Variants in KCNQ1 observed in about 807,000 individuals in gnomAD.
The protein encoded by KCNQ1 is potassium voltage-gated channel subfamily KQT member 1.
In KCNQ1, 49 loss-of-function variants were observed where a neutral mutation model predicts 72.4. The observed-to-expected ratio is 0.68, with a 90% CI of 0.54 to 0.86. KCNQ1 has a LOEUF of 0.86. KCNQ1 is among the 40% of genes least tolerant of loss of function. The pLI is 0.00. For missense variants in KCNQ1, 790 were observed against 945.1 expected, an observed-to-expected ratio of 0.84 and a Z score of 2.15; for synonymous variants, 450 against 412.6, an observed-to-expected ratio of 1.09 and a Z score of -1.10.
At chr11:2,719,173 T>G (rs1189042755) in intron 11 of KCNQ1, among the ~76,000 whole-genome samples, 1 of 1,006 alleles carries the variant, frequency 9.9e-4, no homozygotes, top group African/African-American at 3.6e-3. Flanking sequence ...TTGTCTCTCA[T>G]TGGGGGTAAC....
chr11:2,670,036 A>C lies in KCNQ1; in HGVS notation c.1514+7955A>C. ...TGGGGTCCCGTGGAGGTACAGGCGG[A>C]AACCTAGCACTCACTATTCTGCTCT... On this transcript the variant is annotated intron_variant, in intron 11 of 15. Transcript: ENST00000155840. The surrounding 1 kb of genome is among the most constrained non-coding windows in gnomAD (Gnocchi z 4.9). 1 of 398,646 alleles carries C rather than the reference A, an allele frequency of 2.5e-6. No individual in the cohort carries two copies. Among genetic ancestry groups the C allele is most frequent in the Non-Finnish European group, 4.4e-6 (1 of 226,092 alleles). The allele number at this position is 398,646 out of a possible 1,614,324, so 24.7% of individuals were successfully genotyped here.
chr11:2,583,985 GGT>G (rs144821358), intron 7 of KCNQ1, among the ~76,000 whole-genome samples: 3 of 151,178 alleles, frequency 2.0e-5, no homozygotes, highest in Admixed American at 6.6e-5. Context: ...CCTGTATGTG[GGT>G]GTGTGTGTGT....
Position 2,565,829 on chromosome 11 carries a change from G to A in KCNQ1, c.478-4799G>A, listed in dbSNP as rs1186491552. Among the ~76,000 whole-genome samples the A allele has an allele frequency of 6.6e-6, 1 of 152,218 alleles. No homozygotes were observed. Among genetic ancestry groups the A allele is most frequent in the Admixed American group, 6.5e-5 (1 of 15,282 alleles). Reference sequence around the variant, plus strand: ...TGTCTCAGGGAGGGGCAGAACCCATGGGGTTTGGCTTCCTGACCCTGAACG... The same window carrying A: ...TGTCTCAGGGAGGGGCAGAACCCATAGGGTTTGGCTTCCTGACCCTGAACG... On this transcript the variant is annotated intron_variant, in intron 2 of 15. Transcript: ENST00000155840. The surrounding 1 kb of genome is among the most constrained non-coding windows in gnomAD (Gnocchi z 5.6).
Position 2,651,124 on chromosome 11 carries a change from A to G in KCNQ1, c.1394-10837A>G, listed in dbSNP as rs1849750290. The G allele has an allele frequency of 5.0e-6, 2 of 398,544 alleles. No individual in the cohort carries two copies. Among genetic ancestry groups the G allele is most frequent in the East Asian group, 3.6e-5 (1 of 28,078 alleles). 24.7% of individuals were successfully genotyped at this position (398,544 alleles called of 1,614,324 possible). A position where few individuals can be genotyped will look rare whatever the true frequency, so the allele number is the denominator to read the frequency against. On this transcript the variant is annotated intron_variant, in intron 10 of 15. Coordinates refer to ENST00000155840, the MANE Select transcript of KCNQ1 (RefSeq NM_000218.3). The surrounding 1 kb of genome is among the most constrained non-coding windows in gnomAD (Gnocchi z 6.1). Reference sequence around the variant, plus strand: ...TTGCTTCCTGTACTCCATTCTTCACATAACAGCTCAAGGGAGTTCTTTAAA... The same window carrying G: ...TTGCTTCCTGTACTCCATTCTTCACGTAACAGCTCAAGGGAGTTCTTTAAA...
chr11:2,817,309 G>A lies in KCNQ1; in HGVS notation c.1795-30458G>A, dbSNP rs979540086. Among the ~76,000 whole-genome samples, 6 of 152,132 alleles carry A rather than the reference G, an allele frequency of 3.9e-5. No homozygotes were observed. In the South Asian group the frequency reaches 8.3e-4, roughly 21 times the overall value. On this transcript the variant is annotated intron_variant, in intron 15 of 15. Transcript: ENST00000155840. This position sits in a 1 kb window ranked among gnomAD's most constrained non-coding sequence, Gnocchi z 6.1. ...AACTACGTTGGACAGAACCCACGGCGGCCCTTTCCGTGGCTTCAGCCAGTT... is the reference window on the plus strand; with the variant it reads ...AACTACGTTGGACAGAACCCACGGCAGCCCTTTCCGTGGCTTCAGCCAGTT...
chr11:2,455,350 G>A (rs1275594180), intron 1 of KCNQ1, among the ~76,000 whole-genome samples: 2 of 152,108 alleles, frequency 1.3e-5, no homozygotes, highest in African/African-American at 2.4e-5. Context: ...CACCCGCCTT[G>A]GCCTCCCAAA....
chr11:2,585,533 G>C (rs1564825493), intron 8 of KCNQ1, among the ~76,000 whole-genome samples: 1 of 152,260 alleles, frequency 6.6e-6, no homozygotes, highest in Non-Finnish European at 1.5e-5. Flanking sequence ...GCCATGCCCT[G>C]TGGGCTGGAG....
Position 2,544,159 on chromosome 11 carries a change from A to G in KCNQ1, c.477+16141A>G, listed in dbSNP as rs531148030. On this transcript the variant is annotated intron_variant, in intron 2 of 15. Coordinates refer to ENST00000155840, the MANE Select transcript of KCNQ1 (RefSeq NM_000218.3). The surrounding 1 kb of genome is among the most constrained non-coding windows in gnomAD (Gnocchi z 4.4). ...GTTTGGGATTGCATTCAACCTAAAGATCAACATGGGGAGAATTGATGTCTT... is the reference window on the plus strand; with the variant it reads ...GTTTGGGATTGCATTCAACCTAAAGGTCAACATGGGGAGAATTGATGTCTT... 6.6e-6 allele frequency among the ~76,000 whole-genome samples: 1 copy of G among 152,168 alleles called. No individual in the cohort carries two copies. Among genetic ancestry groups the G allele is most frequent in the East Asian group, 1.9e-4 (1 of 5,186 alleles).
intron 15 of KCNQ1, among the ~76,000 whole-genome samples, chr11:2,842,080 G>A (rs528770058): frequency 1.7e-4 from 26 of 152,316 alleles, no homozygotes; most frequent in African/African-American, 5.8e-4. Context: ...CTGGCTGCTC[G>A]GCAGACAACA....
chr11:2,732,456 G>A (rs1396614187), intron 11 of KCNQ1, among the ~76,000 whole-genome samples: 1 of 152,140 alleles, frequency 6.6e-6, no homozygotes, highest in Non-Finnish European at 1.5e-5. Context: ...TTCTTCCCTC[G>A]CCTTTGCTGG....
rs189018095 is a variant in KCNQ1, at chr11:2,718,212, G to A, written c.1515-50632G>A. On this transcript the variant is annotated intron_variant, in intron 11 of 15. Coordinates refer to ENST00000155840, the MANE Select transcript of KCNQ1 (RefSeq NM_000218.3). Reference sequence around the variant, plus strand: ...CCTGACAGCTGCCTTCCTCTGCTCCGTCCTTCCCCACATCCCCCTCACACA... The same window carrying A: ...CCTGACAGCTGCCTTCCTCTGCTCCATCCTTCCCCACATCCCCCTCACACA... 9.3e-4 allele frequency among the ~76,000 whole-genome samples: 141 copies of A among 152,276 alleles called. No homozygotes were observed. In the East Asian group the frequency reaches 0.012, roughly 13 times the overall value.
intron 11 of KCNQ1, chr11:2,685,742 C>T: frequency 2.5e-6 from 1 of 398,704 alleles, no homozygotes; most frequent in East Asian, 3.6e-5. Flanking sequence ...GCCGAAATGG[C>T]CAGCAGGCAG....
Position 2,493,417 on chromosome 11 carries a change from T to C in KCNQ1, c.387-34511T>C, listed in dbSNP as rs1038248304. Among the ~76,000 whole-genome samples, 9 of 152,330 alleles carry C rather than the reference T, an allele frequency of 5.9e-5. No individual in the cohort carries two copies. Among genetic ancestry groups the C allele is most frequent in the East Asian group, 3.9e-4 (2 of 5,190 alleles). Reference sequence around the variant, plus strand: ...TGCTCTTGGTGTTTTAGTCATGAAGTCCTTGCCCATGCCTATGTCCTGAAT... The same window carrying C: ...TGCTCTTGGTGTTTTAGTCATGAAGCCCTTGCCCATGCCTATGTCCTGAAT... On this transcript the variant is annotated intron_variant, in intron 1 of 15. Transcript: ENST00000155840. This position sits in a 1 kb window ranked among gnomAD's most constrained non-coding sequence, Gnocchi z 5.3.
intron 6 of KCNQ1, among the ~76,000 whole-genome samples, chr11:2,574,580 C>A (rs901387018): frequency 3.9e-5 from 6 of 152,198 alleles, no homozygotes; most frequent in Non-Finnish European, 7.4e-5. Flanking sequence ...CGGGACCCCC[C>A]ACCACCATCA....
intron 15 of KCNQ1, among the ~76,000 whole-genome samples, chr11:2,833,790 GT>G (rs1197352408): frequency 6.6e-6 from 1 of 152,262 alleles, no homozygotes; most frequent in African/African-American, 2.4e-5. Flanking sequence ...AGTGGGGAAG[GT>G]GGGACAGGCA....
chr11:2,769,333 C>G lies in KCNQ1; in HGVS notation c.1590+414C>G, dbSNP rs546849671. On this transcript the variant is annotated intron_variant, in intron 12 of 15. Transcript: ENST00000155840. This position sits in a 1 kb window ranked among gnomAD's most constrained non-coding sequence, Gnocchi z 4.6. ...GGGAAGGCAGGTCCCCCAGACCCCC[C>G]AGCCCTGTCCTCCACTGGCTCAGTG... is the stretch of plus-strand genomic sequence containing the variant. 6.6e-6 allele frequency among the ~76,000 whole-genome samples: 1 copy of G among 152,212 alleles called. No homozygotes were observed. The highest frequency in any genetic ancestry group is 1.5e-5 in the Non-Finnish European group (1 of 68,040).
In KCNQ1 at chr11:2,674,266, C is replaced by T. The variant is rs1016881853; in HGVS notation, c.1514+12185C>T. ...CTGGAGGCCCCTCTCTCCCAGCCCC[C>T]GGCACACACACTAGGACCTTTCTTC... On this transcript the variant is annotated intron_variant, in intron 11 of 15. Transcript: ENST00000155840. This position sits in a 1 kb window ranked among gnomAD's most constrained non-coding sequence, Gnocchi z 5.9. 1.8e-5 allele frequency: 7 copies of T among 398,552 alleles called. No homozygotes were observed. The highest frequency in any genetic ancestry group is 6.2e-5 in the African/African-American group (3 of 48,600). The allele number at this position is 398,552 out of a possible 1,614,324, so 24.7% of individuals were successfully genotyped here.
At position 2,671,678 on chromosome 11, in the gene KCNQ1, CTT is replaced by C. The variant is rs1470335371; in HGVS notation, c.1514+9599_1514+9600del. ...AAACTGAGGCAGAGAGCAGGGGTGACTTTGCAAGGCAATAGAGGGTACTTGGG... is the reference window on the plus strand; with the variant it reads ...AAACTGAGGCAGAGAGCAGGGGTGACTGCAAGGCAATAGAGGGTACTTGGG... On this transcript the variant is annotated intron_variant, in intron 11 of 15. Transcript: ENST00000155840. The surrounding 1 kb of genome is among the most constrained non-coding windows in gnomAD (Gnocchi z 4.7). The C allele has an allele frequency of 7.5e-6, 3 of 398,592 alleles. No homozygotes were observed. The highest frequency in any genetic ancestry group is 2.1e-5 in the African/African-American group (1 of 48,594). 24.7% of individuals were successfully genotyped at this position (398,592 alleles called of 1,614,324 possible).
In KCNQ1 at chr11:2,830,670, C is replaced by T. The variant is rs1847930411; in HGVS notation, c.1795-17097C>T. Among the ~76,000 whole-genome samples, 1 of 152,116 alleles carries T rather than the reference C, an allele frequency of 6.6e-6. No individual in the cohort carries two copies. The highest frequency in any genetic ancestry group is 2.4e-5 in the African/African-American group (1 of 41,438). ...CCTGGGTGGAGACCTTCCCACCCTT[C>T]CACTCACCTTCCGAGCATTGTGGGC... On this transcript the variant is annotated intron_variant, in intron 15 of 15. Coordinates refer to ENST00000155840, the MANE Select transcript of KCNQ1 (RefSeq NM_000218.3). The surrounding 1 kb of genome is among the most constrained non-coding windows in gnomAD (Gnocchi z 7.7).
Sources: gnomAD v4.1 joint callset for allele counts (sites outside exome capture counted in the v4.1 genomes callset) on GRCh38, gnomAD v4.1.1 for gene constraint, Gnocchi (gnomAD v3.1) non-coding constraint, MANE v1.5 for transcripts, NCBI Gene and HGNC (gene_info 2026-07-23, HGNC 2026-07-21) for gene names.